The following CHST9 variants were observed in gnomAD, a reference collection of about 807,000 sequenced individuals.
CHST9 encodes the protein carbohydrate sulfotransferase 9, also known as GalNAc-4-sulfotransferase 2.
A neutral mutation model predicts 44.4 loss-of-function variants in CHST9; 41 were observed. The ratio of observed to expected loss-of-function variants is 0.92; its 90% CI spans 0.72 to 1.20. The LOEUF (loss-of-function observed/expected upper bound fraction) is 1.20. Ranked by LOEUF, CHST9 falls within the 50% of genes most tolerant of loss-of-function variation. CHST9 has a pLI of 0.00. For missense variants in CHST9, 504 were observed against 516.5 expected, an observed-to-expected ratio of 0.98 and a Z score of 0.23; for synonymous variants, 171 against 178.4, an observed-to-expected ratio of 0.96 and a Z score of 0.33.
rs75230011 is a variant in CHST9 at position 27,072,910 on chromosome 18, A to G, written c.122-24407T>C. ...CAAAGTATGGGGGACAAGCCGCAGT[A>G]TGATTACCAGGAACTCATTAGTTAT... On this transcript the variant is annotated intron_variant, in intron 2 of 5. Coordinates refer to ENST00000618847, the MANE Select transcript of CHST9 (RefSeq NM_031422.6). Among the ~76,000 whole-genome samples, 320 of 152,298 alleles carry G rather than the reference A, an allele frequency of 2.1e-3. 1 individual carries two copies. The highest frequency in any genetic ancestry group is 7.3e-3 in the African/African-American group (302 of 41,574).
chr18:26,946,753 C>T (rs1180767009), intron 4 of CHST9, among the ~76,000 whole-genome samples: 1 of 152,152 alleles, frequency 6.6e-6, no homozygotes, highest in Non-Finnish European at 1.5e-5. Context: ...CCAGTTTTCC[C>T]AACACCATTT....
chr18:27,045,562 A>G (rs80321105), intron 3 of CHST9, among the ~76,000 whole-genome samples: 485 of 152,102 alleles, frequency 3.2e-3, no homozygotes, highest in African/African-American at 0.011. Context: ...TTGCCTCCTC[A>G]TATGTATCCA....
At chr18:27,005,352 A>G (rs1160488548) in intron 4 of CHST9, among the ~76,000 whole-genome samples, 23 of 152,198 alleles carry the variant, frequency 1.5e-4, no homozygotes, top group Non-Finnish European at 5.9e-5. Context: ...TAATTTATAG[A>G]GGCCAACCTT....
At chr18:27,129,093 G>A (rs1239377782) in intron 2 of CHST9, among the ~76,000 whole-genome samples, 1 of 151,294 alleles carries the variant, frequency 6.6e-6, no homozygotes, top group Non-Finnish European at 1.5e-5. Context: ...AATAGTAGAG[G>A]AAAGTGAATT....
At chr18:27,120,414 T>G (rs1226966044) in intron 2 of CHST9, among the ~76,000 whole-genome samples, 3 of 152,196 alleles carry the variant, frequency 2.0e-5, no homozygotes, top group African/African-American at 7.2e-5. Flanking sequence ...ACTAAAACCC[T>G]TGGACCCTCT....
At chr18:26,936,894 C>A (rs1049754537) in intron 5 of CHST9, among the ~76,000 whole-genome samples, 1 of 152,084 alleles carries the variant, frequency 6.6e-6, no homozygotes, top group African/African-American at 2.4e-5. Context: ...TTTTATTTTT[C>A]ATAAATGGTA....
chr18:27,101,911 C>A (rs921984434), intron 2 of CHST9, among the ~76,000 whole-genome samples: 3 of 152,208 alleles, frequency 2.0e-5, no homozygotes, highest in African/African-American at 7.2e-5. Context: ...TAAGACTACA[C>A]AATTGTTCCT....
At chr18:26,995,304 G>C (rs1470031648) in intron 4 of CHST9, among the ~76,000 whole-genome samples, 1 of 151,594 alleles carries the variant, frequency 6.6e-6, no homozygotes, top group Admixed American at 6.6e-5. Flanking sequence ...TGGGCGTGGT[G>C]GTGGGCGCCT....
intron 2 of CHST9, among the ~76,000 whole-genome samples, chr18:27,112,467 T>C (rs1282709153): frequency 6.6e-6 from 1 of 152,014 alleles, no homozygotes; most frequent in Admixed American, 6.6e-5. Context: ...GCAAAATTTA[T>C]GTTAAGTACT....
chr18:26,929,755 GGAGA>G (rs374078716), intron 5 of CHST9, among the ~76,000 whole-genome samples: 1 of 151,698 alleles, frequency 6.6e-6, no homozygotes, highest in Non-Finnish European at 1.5e-5. Flanking sequence ...CGGGGTAGGA[GGAGA>G]GAGAGAGAGA....
At position 27,075,987 on chromosome 18, in the gene CHST9, C is replaced by T. The variant is rs530981397; in HGVS notation, c.122-27484G>A. On this transcript the variant is annotated intron_variant, in intron 2 of 5. Transcript: ENST00000618847. ...ATGTGAAGTGCACAGAGCTGAAACC[C>T]GAGTAGCCATTGGAGGCTGTCCTGC... Among the ~76,000 whole-genome samples the T allele has an allele frequency of 1.3e-4, 20 of 152,252 alleles. No homozygotes were observed. In the South Asian group the frequency reaches 3.3e-3, roughly 25 times the overall value.
chr18:27,128,134 A>G (rs1305874033), intron 2 of CHST9, among the ~76,000 whole-genome samples: 1 of 152,242 alleles, frequency 6.6e-6, no homozygotes, highest in African/African-American at 2.4e-5. Context: ...TACAGTTGCC[A>G]TATATGAAAA....
intron 2 of CHST9, among the ~76,000 whole-genome samples, chr18:27,132,142 TCA>T (rs1186992358): frequency 6.6e-6 from 1 of 152,212 alleles, no homozygotes; most frequent in Non-Finnish European, 1.5e-5. Flanking sequence ...TTAAAATATT[TCA>T]CAGAGATTAG....
intron 4 of CHST9, among the ~76,000 whole-genome samples, chr18:26,958,531 C>A (rs1265632489): frequency 6.6e-6 from 1 of 150,386 alleles, no homozygotes; most frequent in Non-Finnish European, 1.5e-5. Flanking sequence ...AAACCATCAA[C>A]AAAGTAAGCA....
intron 2 of CHST9, among the ~76,000 whole-genome samples, chr18:27,125,842 T>G (rs1288889824): frequency 2.6e-5 from 4 of 152,228 alleles, no homozygotes; most frequent in Non-Finnish European, 5.9e-5. Context: ...AACAACTTTC[T>G]ACTGTGGGTC....
rs552099603 is a variant in CHST9 at position 27,128,660 on chromosome 18, C to T, written c.121+14029G>A. Among the ~76,000 whole-genome samples, 8 of 152,298 alleles carry T rather than the reference C, an allele frequency of 5.3e-5. No individual in the cohort carries two copies. In the South Asian group the frequency reaches 1.4e-3, roughly 28 times the overall value. On this transcript the variant is annotated intron_variant, in intron 2 of 5. Transcript: ENST00000618847. ...GAAGATTGGCCAGTCCATATATCTA[C>T]TTAACTAGTAGCAAGATACTACTCC...
chr18:26,968,935 C>T (rs1166392678), intron 4 of CHST9, among the ~76,000 whole-genome samples: 1 of 151,786 alleles, frequency 6.6e-6, no homozygotes, highest in Non-Finnish European at 1.5e-5. Context: ...AAAATCCTCA[C>T]ATGGGTTCAA....
rs1043877331 is a variant in CHST9, at chr18:26,913,145, C to A, written c.*3114G>T. The stretch of plus-strand genomic sequence containing the variant: ...CTCTGCATCTTCTTATATATACCTT[C>A]TGCTAAATACTATACATTTTAGGAG... On this transcript the variant is annotated 3_prime_UTR_variant, in exon 6 of 6. Transcript: ENST00000618847. The A allele has an allele frequency of 6.6e-6, 1 of 152,178 alleles. No homozygotes were observed. The highest frequency in any genetic ancestry group is 6.5e-5 in the Admixed American group (1 of 15,276). The allele number at this position is 152,178 out of a possible 1,614,324, so 9.4% of individuals were successfully genotyped here. A position where few individuals can be genotyped will look rare whatever the true frequency, so the allele number is the denominator to read the frequency against.
chr18:26,994,686 T>C (rs1229613133), intron 4 of CHST9, among the ~76,000 whole-genome samples: 1 of 151,990 alleles, frequency 6.6e-6, no homozygotes, highest in African/African-American at 2.4e-5. Context: ...GCCTCCTGGG[T>C]TCAAGTGATT....
Sources: allele counts gnomAD v4.1 joint callset (sites outside exome capture counted in the v4.1 genomes callset), GRCh38; gene constraint gnomAD v4.1.1; transcripts MANE v1.5; gene names NCBI Gene and HGNC (gene_info 2026-07-23, HGNC 2026-07-21).